TAB2: variants seen among roughly 807,000 people sequenced by gnomAD.
The protein encoded by TAB2 is TGF-beta activated kinase 1 (MAP3K7) binding protein 2.
A neutral mutation model predicts 65.0 loss-of-function variants in TAB2; 3 were observed. The observed-to-expected ratio is 0.05, with a 90% confidence interval of 0.02 to 0.12. TAB2 has a LOEUF of 0.12. TAB2 is among the 10% of genes least tolerant of loss of function. The pLI is 1.00. For missense variants in TAB2, 623 were observed against 840.3 expected (o/e 0.74, Z 3.20); for synonymous variants, 298 against 285.1 (o/e 1.05, Z -0.46).
chr6:149,346,125 G>C (rs1780289001), intron 1 of TAB2, among the ~76,000 whole-genome samples: 1 of 152,164 alleles, frequency 6.6e-6, no homozygotes, highest in South Asian at 2.1e-4. Flanking sequence ...GAGGGAGGAA[G>C]GGGTGGATGG....
chr6:149,357,427 AAAAACACAC>A (rs1329470577), intron 1 of TAB2, among the ~76,000 whole-genome samples: 2 of 136,162 alleles, frequency 1.5e-5, no homozygotes, highest in African/African-American at 6.3e-5. Flanking sequence ...AGGAGAAAAA[AAAAACACAC>A]ACACACACAC....
At chr6:149,389,923 A>C (rs1323997359) in intron 3 of TAB2, among the ~76,000 whole-genome samples, 1 of 152,346 alleles carries the variant, frequency 6.6e-6, no homozygotes, top group South Asian at 2.1e-4. Context: ...GTAGGTTCTT[A>C]AAAATAATTA....
intron 1 of TAB2, among the ~76,000 whole-genome samples, chr6:149,330,007 A>G (rs977991849): frequency 6.6e-6 from 1 of 152,106 alleles, no homozygotes; most frequent in Admixed American, 6.6e-5. Context: ...CCTGGCAACC[A>G]CTTACCTGCT....
At chr6:149,351,610 TC>T (rs1295534882) in intron 1 of TAB2, among the ~76,000 whole-genome samples, 5 of 152,140 alleles carry the variant, frequency 3.3e-5, no homozygotes, top group African/African-American at 1.2e-4. Context: ...CTCCTAACAC[TC>T]CTATGAAGTA....
At chr6:149,350,307 G>C (rs1780448658) in intron 1 of TAB2, among the ~76,000 whole-genome samples, 2 of 152,194 alleles carry the variant, frequency 1.3e-5, no homozygotes, top group South Asian at 4.1e-4. Context: ...GGATTGACTG[G>C]GAGAAGAGGA....
intron 1 of TAB2, among the ~76,000 whole-genome samples, chr6:149,284,645 TACACACACACAC>T (rs59723819): frequency 0.067 from 9,422 of 141,546 alleles, 453 homozygotes; most frequent in African/African-American, 0.13. Context: ...ATGATCTCTT[TACACACACACAC>T]ACACACACAC....
intron 1 of TAB2, among the ~76,000 whole-genome samples, chr6:149,305,843 T>C (rs1279977228): frequency 6.6e-6 from 1 of 152,216 alleles, no homozygotes; most frequent in Non-Finnish European, 1.5e-5. Flanking sequence ...CATTTTACAA[T>C]AGCAAGCATT....
chr6:149,338,458 AAG>A (rs1476634480), intron 1 of TAB2, among the ~76,000 whole-genome samples: 1 of 152,168 alleles, frequency 6.6e-6, no homozygotes. Context: ...AAAGAAAGAG[AAG>A]AGAGAAGAGT....
At chr6:149,395,987 G>T (rs1782150948) in intron 3 of TAB2, among the ~76,000 whole-genome samples, 1 of 151,454 alleles carries the variant, frequency 6.6e-6, no homozygotes, top group African/African-American at 2.4e-5. Context: ...TCTCTCTGTT[G>T]TCTCCTTCTG....
intron 1 of TAB2, among the ~76,000 whole-genome samples, chr6:149,274,166 T>C (rs1778412145): frequency 6.6e-6 from 1 of 152,226 alleles, no homozygotes; most frequent in Admixed American, 6.5e-5. Context: ...CAATTTTCCA[T>C]GTGACATAAA....
chr6:149,370,202 A>G (rs1354574192), intron 2 of TAB2, 103 bp downstream of exon 2: 1 of 1,071,660 alleles, frequency 9.3e-7, no homozygotes, highest in Non-Finnish European at 1.4e-6. Flanking sequence ...GTGTTAGTGT[A>G]TTATGATGAA....
At chr6:149,362,656 C>T (rs1487137774) in intron 1 of TAB2, among the ~76,000 whole-genome samples, 2 of 36,534 alleles carry the variant, frequency 5.5e-5, no homozygotes, top group African/African-American at 1.5e-4. Context: ...TTAAATTACA[C>T]AAAAATTAAC....
At chr6:149,270,112 T>A (rs1304166988) in intron 1 of TAB2, among the ~76,000 whole-genome samples, 1 of 152,224 alleles carries the variant, frequency 6.6e-6, no homozygotes, top group Non-Finnish European at 1.5e-5. Flanking sequence ...TTGATAATGT[T>A]GATTTTTGTT....
chr6:149,322,576 G>C (rs1341905855), intron 1 of TAB2, among the ~76,000 whole-genome samples: 1 of 152,110 alleles, frequency 6.6e-6, no homozygotes, highest in African/African-American at 2.4e-5. Context: ...TTTGGGATCA[G>C]TTAAAATTCG....
chr6:149,312,431 C>T lies in TAB2; in HGVS notation c.-120-65587C>T, dbSNP rs868585820. Among the ~76,000 whole-genome samples the T allele has an allele frequency of 2.6e-5, 4 of 152,266 alleles. No homozygotes were observed. In the South Asian group the frequency reaches 8.3e-4, roughly 32 times the overall value. ...AGGCTGGAGTACAGTGGCACAATCT[C>T]AGCTCACTGCAACCTCAGCCTCCCG... is the stretch of plus-strand genomic sequence containing the variant. On this transcript the variant is annotated intron_variant, in intron 1 of 1. Coordinates refer to the TAB2 transcript ENST00000606202.
At chr6:149,369,545 T>A (rs556513753) in intron 1 of TAB2, among the ~76,000 whole-genome samples, 1 of 152,300 alleles carries the variant, frequency 6.6e-6, no homozygotes, top group Non-Finnish European at 1.5e-5. Context: ...ATCCAAACTT[T>A]AAGAATTTAG....
intron 3 of TAB2, among the ~76,000 whole-genome samples, chr6:149,395,278 A>G (rs189049353): frequency 2.0e-5 from 3 of 152,386 alleles, no homozygotes; most frequent in Admixed American, 2.0e-4. Flanking sequence ...AATTCAGTCT[A>G]CTGATCTCAT....
intron 1 of TAB2, among the ~76,000 whole-genome samples, chr6:149,227,697 A>G (rs938687837): frequency 6.6e-6 from 1 of 152,234 alleles, no homozygotes; most frequent in Non-Finnish European, 1.5e-5. Flanking sequence ...GATATAAGTC[A>G]TCCTTCCTGA....
At chr6:149,284,787 C>T (rs1429481604) in intron 1 of TAB2, among the ~76,000 whole-genome samples, 1 of 152,008 alleles carries the variant, frequency 6.6e-6, no homozygotes, top group East Asian at 1.9e-4. Context: ...GAAAAACTAC[C>T]CTAAATTAAC....
Sources: gnomAD v4.1 joint callset for allele counts (sites outside exome capture counted in the v4.1 genomes callset) on GRCh38, gnomAD v4.1.1 for gene constraint, MANE v1.5 for transcripts, NCBI Gene and HGNC (gene_info 2026-07-23, HGNC 2026-07-21) for gene names.